SAMD3: variants seen among roughly 807,000 people sequenced by gnomAD.
SAMD3 encodes sterile alpha motif domain containing 3, also known as sterile alpha motif domain-containing protein 3.
In SAMD3, 63 loss-of-function variants were observed where a neutral mutation model predicts 58.5. That is an observed-to-expected ratio of 1.08 (90% CI 0.88 to 1.33). The LOEUF (loss-of-function observed/expected upper bound fraction) is 1.33. Ranked by LOEUF, SAMD3 falls within the 40% of genes most tolerant of loss-of-function variation. SAMD3 has a pLI of 0.00. For missense variants in SAMD3, 604 were observed against 608.4 expected, an observed-to-expected ratio of 0.99 and a Z score of 0.08; for synonymous variants, 220 against 210.3, an observed-to-expected ratio of 1.05 and a Z score of -0.40.
intron 2 of SAMD3, 66 bp from the exon 3 acceptor site, chr6:130,215,360 AAC>A: frequency 7.8e-7 from 1 of 1,288,598 alleles, no homozygotes; most frequent in Admixed American, 2.6e-5. Flanking sequence ...TTTTTTTTTT[AAC>A]AGTCAGCCGC....
At chr6:130,276,046 C>T (rs373046494) in intron 2 of SAMD3, among the ~76,000 whole-genome samples, 12 of 151,960 alleles carry the variant, frequency 7.9e-5, no homozygotes, top group African/African-American at 2.9e-4. Context: ...TCTAGGTGGG[C>T]TTAATGTAAT....
chr6:130,279,889 A>C (rs1461846305), intron 2 of SAMD3, among the ~76,000 whole-genome samples: 1 of 152,038 alleles, frequency 6.6e-6, no homozygotes, highest in Non-Finnish European at 1.5e-5. Flanking sequence ...CTAAATAAAA[A>C]GCAGTCTTTA....
chr6:130,320,438 A>G lies in SAMD3; in HGVS notation c.-303-7345T>C, dbSNP rs556248298. Among the ~76,000 whole-genome samples the G allele has an allele frequency of 2.0e-5, 3 of 152,312 alleles. No individual in the cohort carries two copies. The South Asian group carries it at 6.2e-4, about 32-fold the overall frequency. On this transcript the variant is annotated intron_variant, in intron 1 of 13. Transcript: ENST00000368134. ...GAGCAACTGGAATTCTCACACATTGAATGGTGGGAATGGAAAATGGTCCTG... is the reference window on the plus strand; with the variant it reads ...GAGCAACTGGAATTCTCACACATTGGATGGTGGGAATGGAAAATGGTCCTG...
At chr6:130,143,565 T>C (rs897750755), downstream of SAMD3, among the ~76,000 whole-genome samples, 3 of 151,750 alleles carry the variant, frequency 2.0e-5, no homozygotes, top group Non-Finnish European at 4.4e-5. Context: ...TTCTTAAACT[T>C]AAAAAAAAAT....
intron 8 of SAMD3, 168 bp downstream of exon 8, chr6:130,175,673 C>T (rs949977565): frequency 5.4e-5 from 24 of 446,140 alleles, no homozygotes; most frequent in Non-Finnish European, 6.6e-5. Flanking sequence ...GGAAATATCA[C>T]GCTCATTGTT....
In SAMD3 at chr6:130,144,677, A is replaced by G. The variant is rs368648301; in HGVS notation, c.1406T>C (p.Leu469Pro). 83 of 1,614,178 alleles carry G rather than the reference A, an allele frequency of 5.1e-5. No homozygotes were observed. The African/African-American group carries it at 1.0e-3, about 20-fold the overall frequency. ...CCTAAATACATGAAAGGCAGCTACTAGCGCAGCCAAGGCTGTAACACAGTC... is the reference window on the plus strand; with the variant it reads ...CCTAAATACATGAAAGGCAGCTACTGGCGCAGCCAAGGCTGTAACACAGTC... ...VDDCVTALAALVAAFHVFRIE... is the reference protein window; with the variant it reads ...VDDCVTALAAPVAAFHVFRIE... Residue 469 changes from leucine (L) to proline (P), a missense_variant, in exon 12 of 12, where the codon CTA becomes CCA. Physicochemically the swap from Leu to Pro is moderately conservative, Grantham distance 98. Transcript: ENST00000439090.
At chr6:130,224,612 T>C (rs1796335541), upstream of SAMD3, among the ~76,000 whole-genome samples, 1 of 148,468 alleles carries the variant, frequency 6.7e-6, no homozygotes, top group African/African-American at 2.4e-5. Context: ...TTATTATTAT[T>C]ATTATTATTA....
At chr6:130,178,276 C>T (rs1791925242) in intron 7 of SAMD3, among the ~76,000 whole-genome samples, 1 of 152,108 alleles carries the variant, frequency 6.6e-6, no homozygotes, top group Non-Finnish European at 1.5e-5. Flanking sequence ...ACGCGCCCGG[C>T]TGGCCCAACC....
intron 1 of SAMD3, among the ~76,000 whole-genome samples, chr6:130,358,415 T>C (rs934577844): frequency 3.3e-5 from 5 of 152,190 alleles, no homozygotes; most frequent in African/African-American, 1.2e-4. Flanking sequence ...AAATCCAGTT[T>C]TTAAATTTGT....
chr6:130,182,486 C>T (rs375318913), intron 7 of SAMD3, among the ~76,000 whole-genome samples: 15 of 149,280 alleles, frequency 1.0e-4, no homozygotes, highest in African/African-American at 3.4e-4. Flanking sequence ...TGATTCTCTC[C>T]ATATATAATG....
chr6:130,184,218 A>C (rs753965533), intron 6 of SAMD3, 31 bp from the exon 7 acceptor site: 13 of 1,542,556 alleles, frequency 8.4e-6, no homozygotes, highest in Non-Finnish European at 1.2e-5. Context: ...GATATGTTTC[A>C]CTTCAAGCAA....
chr6:130,355,213 C>T (rs1186947976), intron 1 of SAMD3, among the ~76,000 whole-genome samples: 5 of 152,090 alleles, frequency 3.3e-5, no homozygotes, highest in South Asian at 2.1e-4. Flanking sequence ...CACCTGAGGC[C>T]GGGAGCTCGA....
At chr6:130,282,717 G>C (rs1287877308) in intron 2 of SAMD3, among the ~76,000 whole-genome samples, 1 of 152,142 alleles carries the variant, frequency 6.6e-6, no homozygotes, top group South Asian at 2.1e-4. Context: ...AAACAAAAGA[G>C]AATTTTCTGA....
At chr6:130,142,931 T>G (rs930826770), downstream of SAMD3, 1 of 152,238 alleles carries the variant, frequency 6.6e-6, no homozygotes, top group Non-Finnish European at 1.5e-5. Context: ...AAAGGTACAT[T>G]CTAATGAAAG....
chr6:130,343,891 G>A (rs1777353937), intron 1 of SAMD3, among the ~76,000 whole-genome samples: 2 of 152,192 alleles, frequency 1.3e-5, no homozygotes, highest in African/African-American at 4.8e-5. Flanking sequence ...CTTGAACCGG[G>A]GAGGTGGAAG....
At position 130,294,418 on chromosome 6, in the gene SAMD3, T is replaced by G. The variant is rs561900088; in HGVS notation, c.-188+18560A>C. 8.5e-5 allele frequency among the ~76,000 whole-genome samples: 13 copies of G among 152,328 alleles called. No individual in the cohort carries two copies. In the East Asian group the frequency reaches 2.3e-3, roughly 27 times the overall value. ...TGTGTGTATTTTTTAAAAGGAATTCTGTTCAGCCCCTCGTTATTAATGTTT... is the reference window on the plus strand; with the variant it reads ...TGTGTGTATTTTTTAAAAGGAATTCGGTTCAGCCCCTCGTTATTAATGTTT... On this transcript the variant is annotated intron_variant, in intron 2 of 13. Transcript: ENST00000368134.
chr6:130,357,129 T>C (rs1777855812), intron 1 of SAMD3, among the ~76,000 whole-genome samples: 1 of 143,520 alleles, frequency 7.0e-6, no homozygotes, highest in Non-Finnish European at 1.5e-5. Context: ...TTTTTTTTTT[T>C]TTTTTTTTTT....
intron 2 of SAMD3, among the ~76,000 whole-genome samples, chr6:130,278,846 C>T (rs969340270): frequency 1.6e-4 from 24 of 152,162 alleles, no homozygotes; most frequent in Non-Finnish European, 3.2e-4. Context: ...GCCTACTGCA[C>T]GCTCTGACCT....
intron 4 of SAMD3, among the ~76,000 whole-genome samples, chr6:130,213,973 A>G (rs1469816926): frequency 6.6e-6 from 1 of 152,186 alleles, no homozygotes; most frequent in Admixed American, 6.5e-5. Context: ...TTTTGGGAAA[A>G]GCAAAGAAGC....
Sources: allele counts gnomAD v4.1 joint callset (sites outside exome capture counted in the v4.1 genomes callset), GRCh38; gene constraint gnomAD v4.1.1; transcripts MANE v1.5; gene names NCBI Gene and HGNC (gene_info 2026-07-23, HGNC 2026-07-21).